The following RHOBTB3 variants were observed in gnomAD, a reference collection of about 807,000 sequenced individuals.
RHOBTB3 encodes the protein Rho related BTB domain containing 3, also known as rho-related BTB domain-containing protein 3.
Under a neutral mutation model 67.2 loss-of-function variants are expected in RHOBTB3, and 47 were observed. The ratio of observed to expected loss-of-function variants is 0.70; its 90% CI spans 0.55 to 0.89. The LOEUF is 0.89. RHOBTB3 is among the 40% of genes least tolerant of loss of function. The pLI is 0.00. For missense variants in RHOBTB3, 631 were observed against 750.0 expected, an observed-to-expected ratio of 0.84 and a Z score of 1.85; for synonymous variants, 273 against 274.2, an observed-to-expected ratio of 1.00 and a Z score of 0.04.
chr5:95,780,283 G>C lies in RHOBTB3; in HGVS notation c.1314G>C (p.Leu438=), dbSNP rs1746010826. 2 of 1,613,920 alleles carry C rather than the reference G, an allele frequency of 1.2e-6. No homozygotes were observed. The highest frequency in any genetic ancestry group is 1.7e-6 in the Non-Finnish European group (2 of 1,179,832). The change falls in exon 9 of 12, where the codon CTG becomes CTC. Residue 438 remains leucine, a synonymous_variant. Coordinates refer to ENST00000379982, the MANE Select transcript of RHOBTB3 (RefSeq NM_014899.4). Reference sequence around the variant, plus strand: ...CAGTGCCAGCCCACAGGGCCATCCTGGTGGCCCGTTGTGAAGTGATGGCAG... The same window carrying C: ...CAGTGCCAGCCCACAGGGCCATCCTCGTGGCCCGTTGTGAAGTGATGGCAG... ...GTTVPAHRAI[L]VARCEVMAAM...
intron 9 of RHOBTB3, 111 bp from the exon 10 acceptor site, chr5:95,783,686 G>A (rs1746134527): frequency 3.6e-6 from 3 of 832,710 alleles, no homozygotes; most frequent in Non-Finnish European, 5.6e-6. Context: ...TATGGTGGAT[G>A]CTACGGTCAG....
intron 3 of RHOBTB3, among the ~76,000 whole-genome samples, chr5:95,740,905 A>T (rs1242762051): frequency 6.6e-6 from 1 of 152,222 alleles, no homozygotes; most frequent in African/African-American, 2.4e-5. Context: ...TGAATTGTAA[A>T]CATTATGAGA....
intron 2 of RHOBTB3, among the ~76,000 whole-genome samples, chr5:95,734,373 G>A (rs1490317525): frequency 6.6e-6 from 1 of 152,076 alleles, no homozygotes. Context: ...GGAAACCCTG[G>A]AACTGATTTA....
intron 5 of RHOBTB3, among the ~76,000 whole-genome samples, chr5:95,752,790 A>C (rs189838692): frequency 6.6e-6 from 1 of 152,258 alleles, no homozygotes; most frequent in African/African-American, 2.4e-5. Context: ...ATGCATCATA[A>C]TGGTATTGTG....
At chr5:95,766,512 CTT>C (rs1745546850) in intron 7 of RHOBTB3, among the ~76,000 whole-genome samples, 1 of 149,816 alleles carries the variant, frequency 6.7e-6, no homozygotes, top group African/African-American at 2.5e-5. Flanking sequence ...TTTAAAATGA[CTT>C]ATTATTTCAT....
intron 8 of RHOBTB3, chr5:95,769,460 T>G: frequency 4.9e-6 from 1 of 204,454 alleles, no homozygotes; most frequent in South Asian, 8.1e-5. Context: ...CTCTAATTGC[T>G]GAACTTAAGA....
chr5:95,781,950 A>G (rs1249741156), intron 9 of RHOBTB3: 5 of 152,262 alleles, frequency 3.3e-5, no homozygotes, highest in Non-Finnish European at 7.3e-5. Flanking sequence ...AAATCTGTAT[A>G]TTAAATTTAC....
chr5:95,783,561 CAAAAAAAAAAAAA>C (rs201633409), intron 9 of RHOBTB3: 1,208 of 107,258 alleles, frequency 0.011, 2 homozygotes, highest in South Asian at 0.026. Flanking sequence ...CCTGTCTCTA[CAAAAAAAAAAAAA>C]AAAAAAAAAA....
chr5:95,721,146 C>T (rs1378748544), intron 1 of RHOBTB3, among the ~76,000 whole-genome samples: 1 of 152,168 alleles, frequency 6.6e-6, no homozygotes, highest in East Asian at 1.9e-4. Flanking sequence ...TCTGGGCTTG[C>T]ACTGCACTAT....
At chr5:95,744,869 A>G (rs1744826274) in intron 3 of RHOBTB3, among the ~76,000 whole-genome samples, 1 of 151,914 alleles carries the variant, frequency 6.6e-6, no homozygotes, top group Non-Finnish European at 1.5e-5. Context: ...TCAGGAGTTC[A>G]GGACCAGCCT....
chr5:95,731,310 A>C, upstream of RHOBTB3: 1 of 1,050,580 alleles, frequency 9.5e-7, no homozygotes, highest in Non-Finnish European at 1.1e-6. Context: ...TTCTCTGCTT[A>C]GAGGAGGAGG....
In RHOBTB3 at chr5:95,736,783, A is replaced by G. The variant is rs1027766937; in HGVS notation, c.229-106A>G. The G allele has an allele frequency of 1.6e-5, 12 of 730,442 alleles. No individual in the cohort carries two copies. In the South Asian group the frequency reaches 2.7e-4, roughly 17 times the overall value. The allele number at this position is 730,442 out of a possible 1,614,324, so 45.2% of individuals were successfully genotyped here. On this transcript the variant is annotated intron_variant, in intron 2 of 11. Coordinates refer to ENST00000379982, the MANE Select transcript of RHOBTB3 (RefSeq NM_014899.4). ...CACTTTTAATTTCAAGTAGTTACTT[A>G]TTTTAAAATAATTTTTTATGAATTC...
intron 2 of RHOBTB3, among the ~76,000 whole-genome samples, chr5:95,735,812 C>T (rs2112775153): frequency 6.6e-6 from 1 of 152,270 alleles, no homozygotes; most frequent in Middle Eastern, 3.4e-3. Context: ...TGTAAAATAT[C>T]AACCCAGGCC....
intron 3 of RHOBTB3, among the ~76,000 whole-genome samples, chr5:95,743,086 AAAAAATAAAT>A (rs1755645364): frequency 6.6e-6 from 1 of 152,162 alleles, no homozygotes; most frequent in South Asian, 2.1e-4. Flanking sequence ...ATAAAAAAAT[AAAAAATAAAT>A]AAAAAAAACT....
intron 8 of RHOBTB3, among the ~76,000 whole-genome samples, chr5:95,779,739 C>A (rs908082527): frequency 6.6e-6 from 1 of 152,180 alleles, no homozygotes; most frequent in African/African-American, 2.4e-5. Flanking sequence ...CTCCTTGGCT[C>A]CACAAGAGAT....
intron 3 of RHOBTB3, among the ~76,000 whole-genome samples, chr5:95,737,989 C>T (rs1755493886): frequency 6.6e-6 from 1 of 152,176 alleles, no homozygotes; most frequent in Non-Finnish European, 1.5e-5. Flanking sequence ...GTAGTAGTGC[C>T]TTAGGTTAGG....
At chr5:95,727,619 C>A (rs918488610), upstream of RHOBTB3, among the ~76,000 whole-genome samples, 16 of 152,156 alleles carry the variant, frequency 1.1e-4, no homozygotes, top group Non-Finnish European at 5.9e-5. Context: ...CATGTGATAT[C>A]TGTTCTGTTA....
intron 1 of RHOBTB3, among the ~76,000 whole-genome samples, chr5:95,722,469 T>TG (rs1402202092): frequency 6.6e-6 from 1 of 152,080 alleles, no homozygotes; most frequent in Non-Finnish European, 1.5e-5. Flanking sequence ...TATACATCCC[T>TG]GGGGGTGGTA....
Position 95,731,665 on chromosome 5 carries a change from GC to G in RHOBTB3, c.-15del. 6.2e-7 allele frequency: 1 copy of G among 1,613,300 alleles called. No homozygotes were observed. The highest frequency in any genetic ancestry group is 8.5e-7 in the Non-Finnish European group (1 of 1,179,738). Reference sequence around the variant, plus strand: ...CTGCTTTTCTCCGAGTCGCCGCCCTGCCCTTGGATTTGAGATCATGTACGTA... The same window carrying G: ...CTGCTTTTCTCCGAGTCGCCGCCCTGCCTTGGATTTGAGATCATGTACGTA... On this transcript the variant is annotated 5_prime_UTR_variant, in exon 1 of 12. Coordinates refer to ENST00000379982, the MANE Select transcript of RHOBTB3 (RefSeq NM_014899.4).
Sources: allele counts gnomAD v4.1 joint callset (sites outside exome capture counted in the v4.1 genomes callset), GRCh38; gene constraint gnomAD v4.1.1; transcripts MANE v1.5; gene names NCBI Gene and HGNC (gene_info 2026-07-23, HGNC 2026-07-21).